The following CD83 variants were observed in gnomAD, a reference collection of about 807,000 sequenced individuals.
The protein encoded by CD83 is CD83 antigen.
CD83 carries 22 observed loss-of-function variants against 24.6 expected under a neutral mutation model. That is an observed-to-expected ratio of 0.90 (90% CI 0.64 to 1.28). The LOEUF is 1.28. CD83 is among the 50% of genes most tolerant of loss of function. The pLI is 0.00. For missense variants in CD83, 253 were observed against 252.8 expected (o/e 1.00, Z -0.01); for synonymous variants, 101 against 103.5 (o/e 0.98, Z 0.14).
intron 2 of CD83, among the ~76,000 whole-genome samples, chr6:14,121,330 T>G (rs1348188894): frequency 6.6e-6 from 1 of 151,778 alleles, no homozygotes; most frequent in Non-Finnish European, 1.5e-5. Flanking sequence ...CCACCACACC[T>G]GGCTAATTTT....
intron 4 of CD83, 137 bp downstream of exon 4, chr6:14,133,892 C>T: frequency 1.8e-6 from 1 of 564,286 alleles, no homozygotes; most frequent in Non-Finnish European, 3.1e-6. Flanking sequence ...TTTTGAGGCC[C>T]CTAGACTGGG....
At position 14,135,389 on chromosome 6, in the gene CD83, A is replaced by C. The variant is rs1758026165; in HGVS notation, c.*153A>C. ...AACATCTGGAAGGGGATCCCACCCC[A>C]TTTTCTGTGGGCAGGCCTCGAAAAC... On this transcript the variant is annotated 3_prime_UTR_variant, in exon 5 of 5. Transcript: ENST00000379153. The C allele has an allele frequency of 1.2e-5, 10 of 815,598 alleles. No individual in the cohort carries two copies. The South Asian group carries it at 2.0e-4, about 16-fold the overall frequency. The allele number at this position is 815,598 out of a possible 1,614,324, so 50.5% of individuals were successfully genotyped here. A position where few individuals can be genotyped will look rare whatever the true frequency, so the allele number is the denominator to read the frequency against.
In CD83 at chr6:14,118,165, G is replaced by T. The variant is rs1228221614; in HGVS notation, c.153+100G>T. 3.9e-6 allele frequency: 3 copies of T among 769,180 alleles called. No homozygotes were observed. In the African/African-American group the frequency reaches 5.4e-5, roughly 14 times the overall value. The allele number at this position is 769,180 out of a possible 1,614,324, so 47.6% of individuals were successfully genotyped here. On this transcript the variant is annotated intron_variant, in intron 2 of 4. Transcript: ENST00000379153. ...TGGCGACCCTCTGTGGCTGCCAGGTGGGGGCGAGGGGCGTCTCCCGCAGCT... is the reference window on the plus strand; with the variant it reads ...TGGCGACCCTCTGTGGCTGCCAGGTTGGGGCGAGGGGCGTCTCCCGCAGCT...
chr6:14,117,924 C>T lies in CD83; in HGVS notation c.38-26C>T, dbSNP rs1581323660. The T allele has an allele frequency of 6.3e-7, 1 of 1,596,456 alleles. No individual in the cohort carries two copies. Among genetic ancestry groups the T allele is most frequent in the Non-Finnish European group, 8.5e-7 (1 of 1,174,260 alleles). On this transcript the variant is annotated intron_variant, in intron 1 of 4. Transcript: ENST00000379153. The surrounding 1 kb of genome is among the most constrained non-coding windows in gnomAD (Gnocchi z 4.6). ...CACCCCCTCCCGTCGGTCGCTTGCTCACGACGCGCTCTCTCTTTCTTGTAG... is the reference window on the plus strand; with the variant it reads ...CACCCCCTCCCGTCGGTCGCTTGCTTACGACGCGCTCTCTCTTTCTTGTAG...
chr6:14,126,889 C>T (rs1203535104), intron 2 of CD83, among the ~76,000 whole-genome samples: 1 of 152,098 alleles, frequency 6.6e-6, no homozygotes, highest in African/African-American at 2.4e-5. Context: ...ACAATCTATA[C>T]CCTTAAATAT....
In CD83 at chr6:14,124,367, T is replaced by G. The variant is rs564728037; in HGVS notation, c.153+6302T>G. ...CCGATAGAATTGAGGTTACCGATTC[T>G]AGAAGAGCTGGTAGCTGCCTAGGAT... On this transcript the variant is annotated intron_variant, in intron 2 of 4. Transcript: ENST00000379153. Among the ~76,000 whole-genome samples the G allele has an allele frequency of 1.8e-3, 279 of 152,348 alleles. 2 individuals carry two copies. The highest frequency in any genetic ancestry group is 8.8e-4 in the Non-Finnish European group (60 of 68,020).
intron 4 of CD83, among the ~76,000 whole-genome samples, chr6:14,134,005 G>A (rs960283423): frequency 2.0e-5 from 3 of 152,176 alleles, no homozygotes; most frequent in Non-Finnish European, 4.4e-5. Flanking sequence ...TAGGAAGGAC[G>A]TTTGGGAAAT....
intron 2 of CD83, among the ~76,000 whole-genome samples, chr6:14,124,695 C>T (rs12201991): frequency 0.16 from 23,750 of 151,832 alleles, 2,360 homozygotes; most frequent in Middle Eastern, 0.24. Context: ...TCAAAACTAG[C>T]CTAAAGAGAA....
At chr6:14,117,520 C>T (rs1015622292), upstream of CD83, 11 of 150,204 alleles carry the variant, frequency 7.3e-5, no homozygotes, top group African/African-American at 2.7e-4. This position sits in a 1 kb window ranked among gnomAD's most constrained non-coding sequence, Gnocchi z 4.6. Context: ...GCAGCAGCGA[C>T]GCGAACTCGG....
At chr6:14,120,329 A>G (rs1344841636) in intron 2 of CD83, among the ~76,000 whole-genome samples, 2 of 152,202 alleles carry the variant, frequency 1.3e-5, no homozygotes, top group African/African-American at 4.8e-5. Flanking sequence ...TTATGCTTAT[A>G]CAACAAAAAT....
At chr6:14,133,320 T>C (rs1281020877) in intron 3 of CD83, among the ~76,000 whole-genome samples, 1 of 152,268 alleles carries the variant, frequency 6.6e-6, no homozygotes, top group African/African-American at 2.4e-5. Context: ...AGGATAAGCC[T>C]GGACCAGCTG....
chr6:14,129,563 T>G lies in CD83; in HGVS notation c.154-1957T>G, dbSNP rs929755612. 6.6e-6 allele frequency among the ~76,000 whole-genome samples: 1 copy of G among 152,192 alleles called. No homozygotes were observed. The highest frequency in any genetic ancestry group is 2.4e-5 in the African/African-American group (1 of 41,436). ...CAGTCTTTTAGCTTCCTCCCATAGA[T>G]TCTTGATTATTTAGGAAGGAATCTT... On this transcript the variant is annotated intron_variant, in intron 2 of 4. Coordinates refer to ENST00000379153, the MANE Select transcript of CD83 (RefSeq NM_004233.4). This position sits in a 1 kb window ranked among gnomAD's most constrained non-coding sequence, Gnocchi z 4.3.
chr6:14,119,494 A>C (rs1759623037), intron 2 of CD83, among the ~76,000 whole-genome samples: 1 of 152,230 alleles, frequency 6.6e-6, no homozygotes, highest in Non-Finnish European at 1.5e-5. Context: ...CTTAGGGATT[A>C]GTACTGTTAC....
In CD83 at chr6:14,117,958, C is replaced by T. The variant is rs575587222; in HGVS notation, c.46C>T (p.Leu16=). The T allele has an allele frequency of 6.2e-7, 1 of 1,608,934 alleles. No individual in the cohort carries two copies. The highest frequency in any genetic ancestry group is 2.2e-5 in the East Asian group (1 of 44,616). ...QLLLLSCAYS[L]APATPEVKVA... ...CTCTCTCTTTCTTGTAGCCTACAGC[C>T]TGGCTCCCGCGACGCCGGAGGTGAA... Residue 16 remains leucine, a synonymous_variant, in exon 2 of 5, where the codon CTG becomes TTG. Transcript: ENST00000379153. The surrounding 1 kb of genome is among the most constrained non-coding windows in gnomAD (Gnocchi z 4.6).
At chr6:14,132,043 C>T (rs1335289148) in intron 3 of CD83, among the ~76,000 whole-genome samples, 2 of 152,214 alleles carry the variant, frequency 1.3e-5, no homozygotes, top group Non-Finnish European at 2.9e-5. Flanking sequence ...TGTCAGGGAT[C>T]TGAAAGGAAT....
chr6:14,122,762 A>C (rs1416152647), intron 2 of CD83, among the ~76,000 whole-genome samples: 1 of 152,230 alleles, frequency 6.6e-6, no homozygotes, highest in Non-Finnish European at 1.5e-5. Context: ...GATGTCTCTC[A>C]TATTTACACT....
At position 14,118,045 on chromosome 6, in the gene CD83, T is replaced by C. The variant is rs1437180312; in HGVS notation, c.133T>C (p.Tyr45His). 1 of 1,608,882 alleles carries C rather than the reference T, an allele frequency of 6.2e-7. No individual in the cohort carries two copies. The highest frequency in any genetic ancestry group is 8.5e-7 in the Non-Finnish European group (1 of 1,178,216). Residue 45 changes from tyrosine (Y) to histidine (H), a missense_variant, in exon 2 of 5, where the codon TAC (tyrosine) becomes CAC (histidine). By Grantham distance (83) the Tyr-to-His change is moderately conservative. Transcript: ENST00000379153. Reference sequence around the variant, plus strand: ...CGCCCCCTGGGATCCGCAGGTTCCCTACACGGTCTCCTGGGTCAAGGTAGG... The same window carrying C: ...CGCCCCCTGGGATCCGCAGGTTCCCCACACGGTCTCCTGGGTCAAGGTAGG... ...CTAPWDPQVP[Y>H]TVSWVKLLEG...
At chr6:14,118,382 C>T (rs545846338) in intron 2 of CD83, among the ~76,000 whole-genome samples, 1 of 152,244 alleles carries the variant, frequency 6.6e-6, no homozygotes, top group Non-Finnish European at 1.5e-5. Context: ...TGGAGGCCAC[C>T]TGTGGTTGTG....
chr6:14,126,134 G>A (rs73373564), intron 2 of CD83, among the ~76,000 whole-genome samples: 4,256 of 152,248 alleles, frequency 0.028, 194 homozygotes, highest in African/African-American at 0.094. Flanking sequence ...GGAGAAACTG[G>A]GATTGACTTC....
Sources: allele counts gnomAD v4.1 joint callset (sites outside exome capture counted in the v4.1 genomes callset), GRCh38; gene constraint gnomAD v4.1.1; non-coding constraint Gnocchi (gnomAD v3.1); transcripts MANE v1.5; gene names NCBI Gene and HGNC (gene_info 2026-07-23, HGNC 2026-07-21).